TENM2: variants seen among roughly 807,000 people sequenced by gnomAD.
TENM2 encodes the protein teneurin-2.
TENM2 carries 52 observed loss-of-function variants against 245.2 expected under a neutral mutation model. The observed-to-expected ratio is 0.21, with a 90% confidence interval of 0.17 to 0.27. TENM2 has a LOEUF of 0.27. Among genes scored for constraint, TENM2 ranks in the 10% least tolerant of loss-of-function variants. The pLI is 1.00. For synonymous variants in TENM2, 1,363 were observed against 1,438.9 expected (o/e 0.95, Z 1.19); for missense variants, 3,046 against 3,666.8 (o/e 0.83, Z 4.37).
chr5:167,380,592 G>C lies in TENM2; in HGVS notation c.502+5119G>C. ...TTCATGTTTGTTAATGCTCCCAGGG[G>C]CTATCAAGGAATGGCTCCATTCAAT... is the stretch of plus-strand genomic sequence containing the variant. On this transcript the variant is annotated intron_variant, in intron 2 of 28. Transcript: ENST00000518659. 1.3e-5 allele frequency among the ~76,000 whole-genome samples: 2 copies of C among 151,984 alleles called. 1 individual carries two copies. Among genetic ancestry groups the C allele is most frequent in the African/African-American group, 4.8e-5 (2 of 41,376 alleles).
intron 6 of TENM2, among the ~76,000 whole-genome samples, chr5:168,050,688 A>G (rs896124524): frequency 6.6e-6 from 1 of 152,234 alleles, no homozygotes; most frequent in East Asian, 1.9e-4. Context: ...GAGTATTTAC[A>G]TTCCTCAGGT....
chr5:167,124,991 G>A, the TENM2 span, among the ~76,000 whole-genome samples: 2 of 152,314 alleles, frequency 1.3e-5, no homozygotes, highest in East Asian at 3.9e-4. Flanking sequence ...AACTAGGTAT[G>A]TGTACAGCCT....
intron 2 of TENM2, among the ~76,000 whole-genome samples, chr5:167,855,257 G>C (rs1770958898): frequency 6.6e-6 from 1 of 151,942 alleles, no homozygotes; most frequent in Non-Finnish European, 1.5e-5. Flanking sequence ...ACTTCCACCA[G>C]GTCCCGTTCA....
rs60856762 is a variant in TENM2 at position 167,411,573 on chromosome 5, AGTGTGTGTGT to A, written c.502+36127_502+36136del. 1.6e-3 allele frequency among the ~76,000 whole-genome samples: 237 copies of A among 145,144 alleles called. 2 individuals are homozygous for A. Among genetic ancestry groups the A allele is most frequent in the African/African-American group, 5.8e-3 (225 of 38,932 alleles). On this transcript the variant is annotated intron_variant, in intron 2 of 28. Coordinates refer to ENST00000518659, the Ensembl canonical transcript of TENM2. ...GTGTGCATGTGTATATGTAGGTGAGAGTGTGTGTGTGTGTGTGTGTGTGTGTGTGTGTGTG... is the reference window on the plus strand; with the variant it reads ...GTGTGCATGTGTATATGTAGGTGAGAGTGTGTGTGTGTGTGTGTGTGTGTG...
intron 1 of TENM2, among the ~76,000 whole-genome samples, chr5:167,362,879 A>G (rs1173283646): frequency 6.6e-6 from 1 of 152,206 alleles, no homozygotes; most frequent in Non-Finnish European, 1.5e-5. Context: ...AATAATAATA[A>G]TAGTAACATG....
chr5:167,352,547 C>T (rs541997340), intron 1 of TENM2, among the ~76,000 whole-genome samples: 1 of 152,130 alleles, frequency 6.6e-6, no homozygotes, highest in Non-Finnish European at 1.5e-5. Flanking sequence ...TAATTGTTCT[C>T]CCCCATTATC....
the TENM2 span, among the ~76,000 whole-genome samples, chr5:167,150,860 T>G: frequency 8.5e-5 from 13 of 152,252 alleles, no homozygotes; most frequent in Admixed American, 2.6e-4. Flanking sequence ...CAATATCTTA[T>G]GATTACAATT....
the TENM2 span, among the ~76,000 whole-genome samples, chr5:167,121,415 G>T: frequency 0.18 from 28,057 of 152,158 alleles, 3,205 homozygotes; most frequent in East Asian, 0.31. Flanking sequence ...AGATCTGACA[G>T]AAGAATGCAC....
At chr5:168,058,426 A>G (rs991740600) in intron 6 of TENM2, among the ~76,000 whole-genome samples, 1 of 152,206 alleles carries the variant, frequency 6.6e-6, no homozygotes, top group Admixed American at 6.5e-5. Flanking sequence ...GGCATGCAAA[A>G]TCAAGTACAA....
At chr5:167,531,167 C>A (rs1363580199) in intron 2 of TENM2, among the ~76,000 whole-genome samples, 1 of 152,144 alleles carries the variant, frequency 6.6e-6, no homozygotes, top group Non-Finnish European at 1.5e-5. Context: ...TGTATTCCCC[C>A]CTTATACCTC....
chr5:168,007,510 G>A (rs1167847055), intron 5 of TENM2, among the ~76,000 whole-genome samples: 1 of 152,156 alleles, frequency 6.6e-6, no homozygotes, highest in Admixed American at 6.5e-5. Context: ...GCACCTTGGC[G>A]ACCAAGGAGA....
chr5:168,225,484 A>C (rs1764080302), intron 23 of TENM2, among the ~76,000 whole-genome samples: 1 of 152,196 alleles, frequency 6.6e-6, no homozygotes, highest in South Asian at 2.1e-4. Context: ...AGAGAGGGCC[A>C]AGTGCGTGGC....
chr5:167,312,004 T>A (rs1756060937), intron 1 of TENM2, among the ~76,000 whole-genome samples: 1 of 152,184 alleles, frequency 6.6e-6, no homozygotes, highest in Non-Finnish European at 1.5e-5. Context: ...CCCTTAAACC[T>A]CAATTTCTTT....
At chr5:168,180,961 G>A (rs1027320191) in intron 13 of TENM2, among the ~76,000 whole-genome samples, 24 of 151,896 alleles carry the variant, frequency 1.6e-4, no homozygotes, top group African/African-American at 4.1e-4. Context: ...AATTCAGTAC[G>A]TCTGGGTTGA....
In TENM2 at chr5:167,578,340, A is replaced by G. The variant is rs376299854; in HGVS notation, c.502+202867A>G. ...CTGGTCCAGAGGCTGGAAGCCTGTGAATAATCTGTTGCATTAGCCTAGACT... is the reference window on the plus strand; with the variant it reads ...CTGGTCCAGAGGCTGGAAGCCTGTGGATAATCTGTTGCATTAGCCTAGACT... On this transcript the variant is annotated intron_variant, in intron 2 of 28. Transcript: ENST00000518659. Among the ~76,000 whole-genome samples the G allele has an allele frequency of 9.8e-5, 15 of 152,340 alleles. No homozygotes were observed. The East Asian group carries it at 1.9e-3, about 20-fold the overall frequency.
chr5:167,755,604 A>G (rs1046667190), intron 2 of TENM2, among the ~76,000 whole-genome samples: 3 of 152,126 alleles, frequency 2.0e-5, no homozygotes, highest in African/African-American at 7.2e-5. Context: ...TTCACCCTCC[A>G]GAGACCTATT....
chr5:167,787,276 G>A (rs1035221398), intron 2 of TENM2, among the ~76,000 whole-genome samples: 8 of 152,262 alleles, frequency 5.3e-5, no homozygotes, highest in East Asian at 1.9e-4. Context: ...TTTTCTAAAG[G>A]CATTGATACT....
At chr5:167,383,281 G>T (rs1435756113) in intron 2 of TENM2, among the ~76,000 whole-genome samples, 1 of 152,086 alleles carries the variant, frequency 6.6e-6, no homozygotes, top group African/African-American at 2.4e-5. Flanking sequence ...GTTTTGGGGG[G>T]AGAGAGAGAA....
chr5:168,187,839 G>T (rs902450500), intron 13 of TENM2: 3 of 152,160 alleles, frequency 2.0e-5, no homozygotes, highest in African/African-American at 7.2e-5. Context: ...AGGCTCCGGG[G>T]AACTGGGGAG....
Sources: allele counts gnomAD v4.1 joint callset (sites outside exome capture counted in the v4.1 genomes callset), GRCh38; gene constraint gnomAD v4.1.1; transcripts MANE v1.5; gene names NCBI Gene and HGNC (gene_info 2026-07-23, HGNC 2026-07-21).